The following NOL4L variants were observed in gnomAD, a reference collection of about 807,000 sequenced individuals.
The protein encoded by NOL4L is nucleolar protein 4-like.
In NOL4L, 7 loss-of-function variants were observed where a neutral mutation model predicts 64.5. The ratio of observed to expected loss-of-function variants is 0.11; its 90% confidence interval spans 0.06 to 0.20. The LOEUF (loss-of-function observed/expected upper bound fraction) is 0.20, where lower values mean the gene tolerates loss of function less well. NOL4L is among the 10% of genes least tolerant of loss of function. NOL4L has a pLI of 1.00. For missense variants in NOL4L, 680 were observed against 967.1 expected, an observed-to-expected ratio of 0.70 and a Z score of 3.94; for synonymous variants, 413 against 401.0, an observed-to-expected ratio of 1.03 and a Z score of -0.36.
intron 4 of NOL4L, among the ~76,000 whole-genome samples, chr20:32,509,517 C>CAAAAAAAAAAAAAAAAAA (rs71338441): frequency 3.2e-5 from 2 of 62,844 alleles, no homozygotes; most frequent in Non-Finnish European, 6.6e-5. Context: ...GACTCTGCCT[C>CAAAAAAAAAAAAAAAAAA]AAAAAAAAAA....
chr20:32,577,735 C>T (rs1315029393), intron 1 of NOL4L, among the ~76,000 whole-genome samples: 1 of 152,218 alleles, frequency 6.6e-6, no homozygotes, highest in Non-Finnish European at 1.5e-5. Flanking sequence ...ATTTCTCAGG[C>T]CCCTGATAGT....
intron 4 of NOL4L, among the ~76,000 whole-genome samples, chr20:32,476,419 C>T (rs370691377): frequency 6.6e-6 from 1 of 152,174 alleles, no homozygotes; most frequent in Non-Finnish European, 1.5e-5. Flanking sequence ...TCGTGCCATG[C>T]GGGCTCCGGG....
intron 4 of NOL4L, among the ~76,000 whole-genome samples, chr20:32,483,755 C>T (rs2015909084): frequency 8.8e-6 from 1 of 113,956 alleles, no homozygotes; most frequent in South Asian, 3.1e-4. Flanking sequence ...GAGGAGTGGG[C>T]ACGGGGGGAA....
chr20:32,582,532 C>T (rs532971995), intron 1 of NOL4L, among the ~76,000 whole-genome samples: 1 of 152,096 alleles, frequency 6.6e-6, no homozygotes, highest in Non-Finnish European at 1.5e-5. Context: ...ATGCCCACTC[C>T]CTAGGGAGAA....
At position 32,453,125 on chromosome 20, in the gene NOL4L, T is replaced by C. The variant is rs958376543; in HGVS notation, c.1498-119A>G. The C allele has an allele frequency of 2.4e-5, 35 of 1,463,174 alleles. No individual in the cohort carries two copies. The highest frequency in any genetic ancestry group is 3.3e-5 in the Non-Finnish European group (35 of 1,076,408). 90.6% of individuals were successfully genotyped at this position (1,463,174 alleles called of 1,614,324 possible). On this transcript the variant is annotated intron_variant, in intron 8 of 10. Coordinates refer to ENST00000621426, the MANE Select transcript of NOL4L (RefSeq NM_001256798.2). The surrounding 1 kb of genome is among the most constrained non-coding windows in gnomAD (Gnocchi z 5.6). Reference sequence around the variant, plus strand: ...GGGTTTGGGCTCCAGCGCCTCAGTCTATGGAGCTGTGTGATCTTTCTGGGC... The same window carrying C: ...GGGTTTGGGCTCCAGCGCCTCAGTCCATGGAGCTGTGTGATCTTTCTGGGC...
At chr20:32,509,925 G>A in intron 4 of NOL4L, 2 of 1,304,272 alleles carry the variant, frequency 1.5e-6, no homozygotes, top group Middle Eastern at 2.1e-4. Context: ...CCAGGTGCCG[G>A]AGACAGTGAG....
chr20:32,456,101 C>G lies in NOL4L; in HGVS notation c.1119+17G>C. 6.7e-7 allele frequency: 1 copy of G among 1,481,640 alleles called. No homozygotes were observed. The highest frequency in any genetic ancestry group is 1.4e-5 in the South Asian group (1 of 70,674). 91.8% of individuals were successfully genotyped at this position (1,481,640 alleles called of 1,614,324 possible). On this transcript the variant is annotated intron_variant, in intron 6 of 10. Coordinates refer to ENST00000621426, the MANE Select transcript of NOL4L (RefSeq NM_001256798.2). ...CCTTTACAGAAAGAAATGGACTCAGCCCCCAGCCCCACACACCTCGGGGGT... is the reference window on the plus strand; with the variant it reads ...CCTTTACAGAAAGAAATGGACTCAGGCCCCAGCCCCACACACCTCGGGGGT...
chr20:32,571,349 G>A (rs1212757964), intron 1 of NOL4L, among the ~76,000 whole-genome samples: 1 of 152,122 alleles, frequency 6.6e-6, no homozygotes, highest in East Asian at 1.9e-4. Context: ...CACAACGCCT[G>A]GCTAATTTTT....
intron 1 of NOL4L, among the ~76,000 whole-genome samples, chr20:32,556,416 GTC>G (rs1279247236): frequency 6.6e-6 from 1 of 152,098 alleles, no homozygotes; most frequent in African/African-American, 2.4e-5. Context: ...TCTGCTACTT[GTC>G]TCTGTCCCTC....
chr20:32,563,804 C>T (rs771342462), intron 1 of NOL4L, among the ~76,000 whole-genome samples: 2 of 152,222 alleles, frequency 1.3e-5, no homozygotes, highest in Non-Finnish European at 2.9e-5. Context: ...AAAGCCACGA[C>T]GTCCTAGAGC....
At chr20:32,465,617 C>T (rs566559010) in intron 5 of NOL4L, among the ~76,000 whole-genome samples, 12 of 152,320 alleles carry the variant, frequency 7.9e-5, no homozygotes, top group Middle Eastern at 3.4e-3. Context: ...GCCTGCTCCC[C>T]GTGTTCTCAG....
At chr20:32,530,467 G>A (rs190978761) in intron 1 of NOL4L, among the ~76,000 whole-genome samples, 49 of 152,190 alleles carry the variant, frequency 3.2e-4, no homozygotes, top group African/African-American at 1.2e-3. Flanking sequence ...TGTGAACCCG[G>A]GAGGCAGAGC....
rs1260786087 is a variant in NOL4L, at chr20:32,584,796, A to C, written c.95T>G (p.Leu32Trp). The change falls in exon 1 of 11, where the codon TTG becomes TGG. Residue 32 changes from leucine to tryptophan, a missense_variant. Coordinates refer to ENST00000621426, the MANE Select transcript of NOL4L (RefSeq NM_001256798.2). ...TTTGGCCGAGTCGCCGTAGGTGCGC[A>C]AGCACCAGTCCCGGAACTGGCGGCC... ...ELGRQFRDWC[L>W]RTYGDSAKTK... 6.5e-7 allele frequency: 1 copy of C among 1,536,370 alleles called. No homozygotes were observed. The highest frequency in any genetic ancestry group is 8.7e-7 in the Non-Finnish European group (1 of 1,144,268).
chr20:32,554,907 C>T (rs1168867708), intron 1 of NOL4L, among the ~76,000 whole-genome samples: 2 of 152,152 alleles, frequency 1.3e-5, no homozygotes, highest in African/African-American at 2.4e-5. Flanking sequence ...ATTCCAGCTC[C>T]CAGCCCCAAA....
At chr20:32,452,754 T>G (rs951888531) in intron 9 of NOL4L, 130 bp downstream of exon 9, 1 of 1,414,498 alleles carries the variant, frequency 7.1e-7, no homozygotes, top group Non-Finnish European at 9.6e-7. Flanking sequence ...TCCTTGTCTT[T>G]GCCCTCCTGT....
chr20:32,530,598 A>G (rs975138352), intron 1 of NOL4L, among the ~76,000 whole-genome samples: 1 of 151,970 alleles, frequency 6.6e-6, no homozygotes, highest in African/African-American at 2.4e-5. Flanking sequence ...CAGTAGTTAT[A>G]GAAGTGTGTT....
At chr20:32,458,784 C>G (rs1245421134) in intron 5 of NOL4L, among the ~76,000 whole-genome samples, 1 of 152,226 alleles carries the variant, frequency 6.6e-6, no homozygotes, top group Non-Finnish European at 1.5e-5. Flanking sequence ...GGCACCAGGC[C>G]CAAGGCTGGC....
At position 32,460,634 on chromosome 20, in the gene NOL4L, A is replaced by C. The variant is rs375340049; in HGVS notation, c.842-4239T>G. Among the ~76,000 whole-genome samples the C allele has an allele frequency of 1.8e-4, 28 of 152,274 alleles. No homozygotes were observed. Among genetic ancestry groups the C allele is most frequent in the Middle Eastern group, 3.4e-3 (1 of 294 alleles). ...GGGCAGGAGCTCAAAAGGAAACCCC[A>C]ATTCCCTGCACCCCACATTTTCTCA... On this transcript the variant is annotated intron_variant, in intron 5 of 10. Transcript: ENST00000621426. This position sits in a 1 kb window ranked among gnomAD's most constrained non-coding sequence, Gnocchi z 5.7.
chr20:32,488,824 T>C lies in NOL4L; in HGVS notation c.700-14082A>G, dbSNP rs1190885967. On this transcript the variant is annotated intron_variant, in intron 4 of 10. Transcript: ENST00000621426. ...CTTTCTTTTTCTTTCTTTCTTTCTT[T>C]CTTTTTCTTTCTTTCTTTCTTTCTT... 4.0e-3 allele frequency among the ~76,000 whole-genome samples: 76 copies of C among 18,906 alleles called. 2 individuals are homozygous for C. Among genetic ancestry groups the C allele is most frequent in the Middle Eastern group, 0.028 (1 of 36 alleles). The allele number at this position is 18,906 out of a possible 152,430, so 12.4% of individuals were successfully genotyped here. A position where few individuals can be genotyped will look rare whatever the true frequency, so the allele number is the denominator to read the frequency against.
Sources: allele counts gnomAD v4.1 joint callset (sites outside exome capture counted in the v4.1 genomes callset), GRCh38; gene constraint gnomAD v4.1.1; non-coding constraint Gnocchi (gnomAD v3.1); transcripts MANE v1.5; gene names NCBI Gene and HGNC (gene_info 2026-07-23, HGNC 2026-07-21).